Variants in NELL1 observed in about 807,000 individuals in gnomAD.
The protein encoded by NELL1 is neural EGFL like 1, also known as protein kinase C-binding protein NELL1.
NELL1 carries 76 observed loss-of-function variants against 107.4 expected under a neutral mutation model. The ratio of observed to expected loss-of-function variants is 0.71; its 90% CI spans 0.59 to 0.86. The LOEUF (loss-of-function observed/expected upper bound fraction) is 0.86, where lower values mean the gene tolerates loss of function less well. Ranked by LOEUF, NELL1 falls within the 40% of genes least tolerant of loss-of-function variation. The pLI, the probability that NELL1 is intolerant of heterozygous loss-of-function variation, is 0.00. For synonymous variants in NELL1, 353 were observed against 341.2 expected, an observed-to-expected ratio of 1.03 and a Z score of -0.38; for missense variants, 1,024 against 1,005.5, an observed-to-expected ratio of 1.02 and a Z score of -0.25.
intron 12 of NELL1, among the ~76,000 whole-genome samples, chr11:21,064,561 T>A (rs534052723): frequency 6.6e-6 from 1 of 152,218 alleles, no homozygotes; most frequent in South Asian, 2.1e-4. Context: ...AAGTTCAGAT[T>A]TTATCCTGTG....
intron 14 of NELL1, among the ~76,000 whole-genome samples, chr11:21,299,328 C>T (rs1052604772): frequency 6.6e-6 from 1 of 151,888 alleles, no homozygotes; most frequent in African/African-American, 2.4e-5. Context: ...CATTCTGCTC[C>T]TTCCATTGCA....
chr11:20,713,390 A>G (rs1359717172), intron 2 of NELL1, among the ~76,000 whole-genome samples: 6 of 151,876 alleles, frequency 4.0e-5, no homozygotes, highest in Non-Finnish European at 8.8e-5. Context: ...CAATGGGGTT[A>G]TGTTTCAGAG....
At chr11:21,045,088 C>G (rs1347426773) in intron 12 of NELL1, among the ~76,000 whole-genome samples, 1 of 152,024 alleles carries the variant, frequency 6.6e-6, no homozygotes, top group Non-Finnish European at 1.5e-5. Context: ...AAAGATTATC[C>G]AGGGCAAGTA....
At chr11:20,868,514 A>G (rs1224365495) in intron 4 of NELL1, among the ~76,000 whole-genome samples, 1 of 152,196 alleles carries the variant, frequency 6.6e-6, no homozygotes, top group Non-Finnish European at 1.5e-5. Flanking sequence ...GAATTGTACA[A>G]TTAAAAATGG....
intron 13 of NELL1, among the ~76,000 whole-genome samples, chr11:21,204,656 G>A (rs1432968284): frequency 6.6e-6 from 1 of 151,928 alleles, no homozygotes; most frequent in Non-Finnish European, 1.5e-5. Context: ...TTCCCTTGCT[G>A]GTGAGGAGTT....
chr11:20,868,046 G>A (rs1269776841), intron 4 of NELL1, among the ~76,000 whole-genome samples: 1 of 152,226 alleles, frequency 6.6e-6, no homozygotes, highest in African/African-American at 2.4e-5. Context: ...TGTTTACAGT[G>A]TGTCAGGGGT....
At chr11:20,828,897 C>A (rs910376690) in intron 3 of NELL1, among the ~76,000 whole-genome samples, 6 of 152,116 alleles carry the variant, frequency 3.9e-5, no homozygotes, top group Admixed American at 2.6e-4. Flanking sequence ...AAGATGAGAA[C>A]CATGAGCCAA....
At chr11:21,056,309 A>G (rs957449193) in intron 12 of NELL1, among the ~76,000 whole-genome samples, 1 of 152,200 alleles carries the variant, frequency 6.6e-6, no homozygotes, top group Admixed American at 6.6e-5. Flanking sequence ...TTGGCAAACA[A>G]TGATACCTTA....
At chr11:21,361,741 T>C (rs1851080538) in intron 14 of NELL1, among the ~76,000 whole-genome samples, 1 of 152,180 alleles carries the variant, frequency 6.6e-6, no homozygotes, top group Admixed American at 6.5e-5. Flanking sequence ...GCCTTTTAGC[T>C]CTGAAGCTCC....
At chr11:21,050,416 T>A (rs1853464549) in intron 12 of NELL1, among the ~76,000 whole-genome samples, 1 of 151,756 alleles carries the variant, frequency 6.6e-6, no homozygotes, top group Non-Finnish European at 1.5e-5. Context: ...TATTTTAAAT[T>A]GGCTTTTTTT....
At chr11:21,200,466 C>T (rs1172342017) in intron 13 of NELL1, among the ~76,000 whole-genome samples, 1 of 151,908 alleles carries the variant, frequency 6.6e-6, no homozygotes, top group East Asian at 1.9e-4. Context: ...CTGTTCATAT[C>T]CTTCGCTCAC....
intron 15 of NELL1, among the ~76,000 whole-genome samples, chr11:21,398,001 A>G (rs976402486): frequency 6.6e-6 from 1 of 151,312 alleles, no homozygotes; most frequent in Non-Finnish European, 1.5e-5. Context: ...ATATTTTGTT[A>G]TATCAGGCTA....
intron 2 of NELL1, among the ~76,000 whole-genome samples, chr11:20,686,081 T>TA (rs1022929855): frequency 1.7e-3 from 249 of 148,786 alleles, no homozygotes; most frequent in African/African-American, 3.0e-3. Context: ...GTGCAAAGTG[T>TA]AAAAAAAAAA....
At chr11:21,137,371 G>A (rs1390662641) in intron 13 of NELL1, among the ~76,000 whole-genome samples, 1 of 152,228 alleles carries the variant, frequency 6.6e-6, no homozygotes, top group African/African-American at 2.4e-5. Flanking sequence ...GTTGGTGGTT[G>A]GCGGTACTGC....
At chr11:20,786,153 C>T (rs1350252221) in intron 3 of NELL1, among the ~76,000 whole-genome samples, 2 of 151,086 alleles carry the variant, frequency 1.3e-5, no homozygotes, top group Admixed American at 1.3e-4. Context: ...GAGTTCAAGA[C>T]CAGCTGACCG....
At chr11:20,701,609 A>C (rs150207674) in intron 2 of NELL1, among the ~76,000 whole-genome samples, 29,494 of 151,912 alleles carry the variant, frequency 0.19, 3,161 homozygotes, top group African/African-American at 0.25. Context: ...ATGGTGATGC[A>C]TAGGTTTTCT....
chr11:21,336,121 GT>G (rs1032604543), intron 14 of NELL1, among the ~76,000 whole-genome samples: 15 of 152,000 alleles, frequency 9.9e-5, no homozygotes, highest in African/African-American at 2.7e-4. Context: ...AAGCCTCAGT[GT>G]TTTTTTCGTA....
At chr11:21,517,701 G>A (rs111492434) in intron 15 of NELL1, among the ~76,000 whole-genome samples, 282 of 152,134 alleles carry the variant, frequency 1.9e-3, no homozygotes, top group African/African-American at 6.5e-3. Flanking sequence ...TTTTCCATGG[G>A]CACTAAAAAG....
chr11:21,452,849 T>C (rs901816886), intron 15 of NELL1, among the ~76,000 whole-genome samples: 7 of 151,968 alleles, frequency 4.6e-5, no homozygotes, highest in African/African-American at 1.7e-4. Context: ...CACAGATGTT[T>C]GTATTTTATA....
Sources: allele counts gnomAD v4.1 joint callset (sites outside exome capture counted in the v4.1 genomes callset), GRCh38; gene constraint gnomAD v4.1.1; transcripts MANE v1.5; gene names NCBI Gene and HGNC (gene_info 2026-07-23, HGNC 2026-07-21).